The following ABCC4 variants were observed in gnomAD, a reference collection of about 807,000 sequenced individuals.
ABCC4 encodes ATP binding cassette subfamily C member 4 (PEL blood group), also known as ATP-binding cassette sub-family C member 4.
Under a neutral mutation model 168.5 loss-of-function variants are expected in ABCC4, and 102 were observed. That is an observed-to-expected ratio of 0.61 (90% confidence interval 0.52 to 0.71). The LOEUF (loss-of-function observed/expected upper bound fraction) is 0.71. Among genes scored for constraint, ABCC4 ranks in the 30% least tolerant of loss-of-function variants. ABCC4 has a pLI of 0.00. For missense variants in ABCC4, 1,402 were observed against 1,605.8 expected, an observed-to-expected ratio of 0.87 and a Z score of 2.17; for synonymous variants, 617 against 590.7, an observed-to-expected ratio of 1.04 and a Z score of -0.65.
intron 19 of ABCC4, among the ~76,000 whole-genome samples, chr13:95,159,106 T>C (rs1260234985): frequency 8.4e-6 from 1 of 118,902 alleles, no homozygotes; most frequent in African/African-American, 3.0e-5. Flanking sequence ...TATATATATA[T>C]ATATATATAT....
At chr13:95,210,911 C>G (rs895736453) in intron 4 of ABCC4, 130 bp from the exon 5 acceptor site, 32 of 601,868 alleles carry the variant, frequency 5.3e-5, no homozygotes, top group South Asian at 3.7e-4. Flanking sequence ...CCCCACCCCC[C>G]CACTGCCCCC....
Position 95,186,701 on chromosome 13 carries a change from C to T in ABCC4, c.1545G>A (p.Lys515=), listed in dbSNP as rs149813736. 242 of 1,611,280 alleles carry T rather than the reference C, an allele frequency of 1.5e-4. No individual in the cohort carries two copies. Among genetic ancestry groups the T allele is most frequent in the Non-Finnish European group, 2.0e-4 (238 of 1,178,406 alleles). Residue 515 remains lysine (K), a splice_region_variant and synonymous_variant, in exon 11 of 31, where the codon AAG becomes AAA. Transcript: ENST00000645237. ...ATGAAATCCAAAAGTCATCACTCAC[C>T]TTTTTCAGAGCACAAGCCTTTATGA... ...EKVIKACALK[K]DLQLLEDGDL... is the part of the protein sequence containing the mutation.
chr13:95,201,405 G>A (rs2038621491), intron 8 of ABCC4, among the ~76,000 whole-genome samples: 1 of 152,120 alleles, frequency 6.6e-6, no homozygotes, highest in Non-Finnish European at 1.5e-5. Flanking sequence ...AGCAGAGAAC[G>A]ACAGTCATCA....
chr13:95,249,964 G>C (rs1229425097), intron 1 of ABCC4, among the ~76,000 whole-genome samples: 13 of 152,172 alleles, frequency 8.5e-5, no homozygotes, highest in Admixed American at 3.3e-4. Flanking sequence ...GCTTCTATTA[G>C]AGGATGACAC....
chr13:95,198,560 A>G (rs1248876373), intron 8 of ABCC4, among the ~76,000 whole-genome samples: 1 of 152,226 alleles, frequency 6.6e-6, no homozygotes, highest in Admixed American at 6.5e-5. Flanking sequence ...CAATTCCTCA[A>G]GGAACTAGAA....
chr13:95,182,727 C>T (rs1375009308), intron 11 of ABCC4, among the ~76,000 whole-genome samples: 8 of 152,242 alleles, frequency 5.3e-5, no homozygotes, highest in East Asian at 1.9e-4. Flanking sequence ...AAGGTTCAGA[C>T]GATTAGCTAA....
chr13:95,109,561 A>AT (rs1205170010), intron 20 of ABCC4, among the ~76,000 whole-genome samples: 1 of 152,218 alleles, frequency 6.6e-6, no homozygotes, highest in Non-Finnish European at 1.5e-5. Context: ...AAACAAATCT[A>AT]TTTAGATATT....
chr13:95,045,755 G>A (rs984218254), intron 27 of ABCC4, among the ~76,000 whole-genome samples: 1 of 152,084 alleles, frequency 6.6e-6, no homozygotes, highest in African/African-American at 2.4e-5. Flanking sequence ...CTCCAATTAA[G>A]AGATCAGCAA....
intron 19 of ABCC4, among the ~76,000 whole-genome samples, chr13:95,122,259 A>G (rs1413751229): frequency 6.6e-6 from 1 of 152,196 alleles, no homozygotes; most frequent in Admixed American, 6.5e-5. Flanking sequence ...CTCCCAGCCC[A>G]GGGCTTACTC....
chr13:95,234,575 G>A, intron 4 of ABCC4, 35 bp downstream of exon 4: 1 of 1,550,644 alleles, frequency 6.4e-7, no homozygotes, highest in Non-Finnish European at 8.9e-7. Context: ...TGATGCTTCA[G>A]GTGAGGTACA....
At chr13:95,026,646 T>C (rs1295049428) in intron 30 of ABCC4, among the ~76,000 whole-genome samples, 1 of 152,196 alleles carries the variant, frequency 6.6e-6, no homozygotes. Context: ...CCCAGCACTT[T>C]GGGAGGCCAA....
At chr13:95,156,350 G>A (rs1042147827) in intron 19 of ABCC4, among the ~76,000 whole-genome samples, 4 of 152,190 alleles carry the variant, frequency 2.6e-5, no homozygotes, top group African/African-American at 9.7e-5. Flanking sequence ...ACCAGGTTTT[G>A]CAATGAGGTG....
intron 27 of ABCC4, among the ~76,000 whole-genome samples, chr13:95,048,778 T>C (rs1397726707): frequency 1.3e-5 from 2 of 152,228 alleles, no homozygotes; most frequent in Non-Finnish European, 2.9e-5. Context: ...AACCTAGTCT[T>C]AATTGTAGAT....
rs193297641 is a variant in ABCC4 at position 95,287,849 on chromosome 13, T to C, written c.74+13392A>G. On this transcript the variant is annotated intron_variant, in intron 1 of 30. Coordinates refer to ENST00000645237, the MANE Select transcript of ABCC4 (RefSeq NM_005845.5). ...CGAAGTTAGGAGATCAAGACCATCCTGGCTAACACAGTGAAACCCCGTCTC... is the reference window on the plus strand; with the variant it reads ...CGAAGTTAGGAGATCAAGACCATCCCGGCTAACACAGTGAAACCCCGTCTC... Among the ~76,000 whole-genome samples, 38 of 151,970 alleles carry C rather than the reference T, an allele frequency of 2.5e-4. No individual in the cohort carries two copies. The East Asian group carries it at 6.6e-3, about 27-fold the overall frequency.
intron 8 of ABCC4, among the ~76,000 whole-genome samples, chr13:95,201,538 T>C (rs2038625003): frequency 6.6e-6 from 1 of 152,176 alleles, no homozygotes; most frequent in South Asian, 2.1e-4. Flanking sequence ...AATATAAAGA[T>C]GAATGAGGCA....
intron 5 of ABCC4, among the ~76,000 whole-genome samples, chr13:95,210,378 G>A (rs2038918942): frequency 1.3e-5 from 2 of 152,220 alleles, no homozygotes; most frequent in Admixed American, 6.5e-5. Context: ...ATAATCGGGT[G>A]TTCACGCACT....
At chr13:95,224,397 G>T (rs542681612) in intron 4 of ABCC4, among the ~76,000 whole-genome samples, 1 of 152,040 alleles carries the variant, frequency 6.6e-6, no homozygotes, top group Non-Finnish European at 1.5e-5. Flanking sequence ...AATTTGTTCA[G>T]ATTAAAGAAC....
chr13:95,111,806 G>C (rs563585873), intron 20 of ABCC4, among the ~76,000 whole-genome samples: 38 of 152,260 alleles, frequency 2.5e-4, no homozygotes, highest in Non-Finnish European at 4.3e-4. Flanking sequence ...CCTTATCTCA[G>C]CGATTTCATC....
Position 95,170,583 on chromosome 13 carries a change from A to G in ABCC4, c.1773T>C (p.Thr591=), listed in dbSNP as rs759473315. The G allele has an allele frequency of 3.7e-6, 6 of 1,612,576 alleles. No individual in the cohort carries two copies. The highest frequency in any genetic ancestry group is 5.1e-6 in the Non-Finnish European group (6 of 1,179,772). ...ILHEKITILV[T]HQLQYLKAAS... ...CAGCTTTGAGGTACTGCAACTGATG[A>G]GTCACTAAAATTGTGATCTTCTCAT... The change falls in exon 14 of 31, where the codon ACT becomes ACC. Residue 591 remains threonine, a synonymous_variant. Transcript: ENST00000645237.
Sources: gnomAD v4.1 joint callset for allele counts (sites outside exome capture counted in the v4.1 genomes callset) on GRCh38, gnomAD v4.1.1 for gene constraint, MANE v1.5 for transcripts, NCBI Gene and HGNC (gene_info 2026-07-23, HGNC 2026-07-21) for gene names.